The following CDH13 variants were observed in gnomAD, a reference collection of about 807,000 sequenced individuals.
The protein encoded by CDH13 is cadherin 13, also known as cadherin-13.
CDH13 carries 24 observed loss-of-function variants against 63.8 expected under a neutral mutation model. The observed-to-expected ratio is 0.38, with a 90% CI of 0.27 to 0.53. The LOEUF (loss-of-function observed/expected upper bound fraction) is 0.53, where lower values mean the gene tolerates loss of function less well. Ranked by LOEUF, CDH13 falls within the 20% of genes least tolerant of loss-of-function variation. The probability of loss-of-function intolerance (pLI) is 0.85; values close to 1 mark genes in which losing one functional copy is unlikely to be tolerated. For synonymous variants in CDH13, 503 were observed against 355.3 expected, an observed-to-expected ratio of 1.42 and a Z score of -4.67; for missense variants, 1,049 against 903.1, an observed-to-expected ratio of 1.16 and a Z score of -2.07.
intron 7 of CDH13, among the ~76,000 whole-genome samples, chr16:83,510,640 C>G (rs1032774360): frequency 1.3e-5 from 2 of 152,164 alleles, no homozygotes; most frequent in Non-Finnish European, 2.9e-5. Flanking sequence ...GGGATCAAGA[C>G]TCAAAGCTGA....
rs543339915 is a variant in CDH13 at position 83,142,478 on chromosome 16, G to T, written c.483+16977G>T. ...GTTGCCTTGGGCCATTCTTCATCCA[G>T]CTGCCTCCTACTCATCCCTTGGGTC... On this transcript the variant is annotated intron_variant, in intron 4 of 13. Transcript: ENST00000567109. Among the ~76,000 whole-genome samples the T allele has an allele frequency of 1.0e-3, 157 of 152,206 alleles. 1 individual carries two copies. Among genetic ancestry groups the T allele is most frequent in the Non-Finnish European group, 1.8e-3 (123 of 68,008 alleles).
intron 8 of CDH13, among the ~76,000 whole-genome samples, chr16:83,667,471 C>G (rs1208582562): frequency 3.3e-5 from 5 of 152,066 alleles, no homozygotes; most frequent in Admixed American, 6.6e-5. Context: ...ATCCATCTAT[C>G]TGTCCACCCA....
intron 6 of CDH13, among the ~76,000 whole-genome samples, chr16:83,446,066 A>G (rs983511410): frequency 1.3e-5 from 2 of 152,186 alleles, no homozygotes; most frequent in African/African-American, 4.8e-5. Context: ...TGGGAGGCTG[A>G]GGTGGGGGGG....
chr16:83,323,461 A>G (rs1274419825), intron 5 of CDH13, among the ~76,000 whole-genome samples: 3 of 145,096 alleles, frequency 2.1e-5, no homozygotes, highest in Non-Finnish European at 4.5e-5. Flanking sequence ...TTGTATTTTT[A>G]GTATAAATAC....
intron 2 of CDH13, among the ~76,000 whole-genome samples, chr16:82,891,095 T>C (rs936800355): frequency 4.0e-5 from 6 of 151,764 alleles, no homozygotes; most frequent in African/African-American, 1.5e-4. Flanking sequence ...TCAATTCTTT[T>C]ATTATCTCAG....
At chr16:82,823,842 T>C (rs1761845403) in intron 1 of CDH13, 1 of 152,190 alleles carries the variant, frequency 6.6e-6, no homozygotes, top group Non-Finnish European at 1.5e-5. Context: ...GGAAGTGGGA[T>C]TATACATATG....
At chr16:83,647,481 A>T (rs1027645335) in intron 8 of CDH13, among the ~76,000 whole-genome samples, 1 of 152,078 alleles carries the variant, frequency 6.6e-6, no homozygotes, top group Non-Finnish European at 1.5e-5. Context: ...ATGTTGGCTC[A>T]CTTTGGAAAC....
chr16:83,396,359 T>C (rs1459648455), intron 6 of CDH13, among the ~76,000 whole-genome samples: 1 of 152,190 alleles, frequency 6.6e-6, no homozygotes, highest in African/African-American at 2.4e-5. Context: ...TGATCAGCTA[T>C]TGAGTAAGCA....
intron 4 of CDH13, among the ~76,000 whole-genome samples, chr16:83,216,371 A>T (rs2039510018): frequency 8.6e-6 from 1 of 115,658 alleles, no homozygotes; most frequent in Admixed American, 1.1e-4. Flanking sequence ...AGTGGAAATA[A>T]TAATGTCCTC....
intron 2 of CDH13, among the ~76,000 whole-genome samples, chr16:83,014,617 G>A (rs868689585): frequency 1.9e-4 from 29 of 150,016 alleles, no homozygotes; most frequent in Non-Finnish European, 3.6e-4. Flanking sequence ...TGTAATTCTA[G>A]CTACTTGGGA....
At chr16:83,356,285 A>C (rs1166645278) in intron 6 of CDH13, among the ~76,000 whole-genome samples, 1 of 151,466 alleles carries the variant, frequency 6.6e-6, no homozygotes, top group Non-Finnish European at 1.5e-5. Flanking sequence ...AGAGAAAGAG[A>C]AAACCACCAA....
At chr16:83,053,277 G>T (rs969439379) in intron 3 of CDH13, among the ~76,000 whole-genome samples, 1 of 152,112 alleles carries the variant, frequency 6.6e-6, no homozygotes, top group Non-Finnish European at 1.5e-5. Flanking sequence ...AGTTAAAAAG[G>T]TATCATAACC....
chr16:83,082,005 G>C (rs1472271497), intron 3 of CDH13, among the ~76,000 whole-genome samples: 3 of 152,058 alleles, frequency 2.0e-5, no homozygotes, highest in African/African-American at 7.2e-5. Flanking sequence ...TCTTCATGTT[G>C]GTCAGGCTGG....
chr16:82,913,716 G>T (rs568784547), intron 2 of CDH13, among the ~76,000 whole-genome samples: 1 of 152,106 alleles, frequency 6.6e-6, no homozygotes, highest in South Asian at 2.1e-4. Context: ...TCTGCGTGTG[G>T]GTACCCCATG....
intron 4 of CDH13, among the ~76,000 whole-genome samples, chr16:83,180,069 C>T (rs1247077651): frequency 6.6e-6 from 1 of 152,092 alleles, no homozygotes; most frequent in Non-Finnish European, 1.5e-5. Context: ...TTAGAAAACA[C>T]AGAGACCTTG....
chr16:83,425,481 C>T (rs924507680), intron 6 of CDH13, among the ~76,000 whole-genome samples: 2 of 152,262 alleles, frequency 1.3e-5, no homozygotes, highest in Non-Finnish European at 1.5e-5. Flanking sequence ...ACTCAGGAGG[C>T]TCACAGAGAA....
chr16:83,212,811 A>G (rs2039378540), intron 4 of CDH13, among the ~76,000 whole-genome samples: 1 of 152,170 alleles, frequency 6.6e-6, no homozygotes. Flanking sequence ...TTTCTGATAC[A>G]AGAGGCTTGG....
At chr16:83,051,025 C>T (rs2030266457) in intron 3 of CDH13, among the ~76,000 whole-genome samples, 1 of 152,194 alleles carries the variant, frequency 6.6e-6, no homozygotes, top group Admixed American at 6.5e-5. Flanking sequence ...TTCCTCTTAT[C>T]CAGCCAAGAC....
intron 4 of CDH13, among the ~76,000 whole-genome samples, chr16:83,187,929 A>C (rs559995856): frequency 1.3e-5 from 2 of 152,238 alleles, no homozygotes; most frequent in South Asian, 2.1e-4. Flanking sequence ...GGATGCATCT[A>C]TCTGGGGGCT....
Sources: gnomAD v4.1 joint callset for allele counts (sites outside exome capture counted in the v4.1 genomes callset) on GRCh38, gnomAD v4.1.1 for gene constraint, MANE v1.5 for transcripts, NCBI Gene and HGNC (gene_info 2026-07-23, HGNC 2026-07-21) for gene names.